Variants in ENDOV observed in about 807,000 individuals in gnomAD.
The protein encoded by ENDOV is hEndoV.
Under a neutral mutation model 39.4 loss-of-function variants are expected in ENDOV, and 37 were observed. That is an observed-to-expected ratio of 0.94 (90% CI 0.72 to 1.23). The LOEUF (loss-of-function observed/expected upper bound fraction) is 1.23, where lower values mean the gene tolerates loss of function less well. Among genes scored for constraint, ENDOV ranks in the 50% most tolerant of loss-of-function variants. ENDOV has a pLI of 0.00. For synonymous variants in ENDOV, 186 were observed against 163.4 expected (o/e 1.14, Z -1.05); for missense variants, 441 against 375.7 (o/e 1.17, Z -1.44).
Position 80,422,186 on chromosome 17 carries a change from C to T in ENDOV, c.364-20C>T, listed in dbSNP as rs372329342. The T allele has an allele frequency of 1.2e-5, 19 of 1,613,470 alleles. No individual in the cohort carries two copies. Among genetic ancestry groups the T allele is most frequent in the Non-Finnish European group, 1.4e-5 (17 of 1,179,790 alleles). The stretch of plus-strand genomic sequence containing the variant: ...CGAGGGGCAGCTCAGCTGACTGTGA[C>T]TCTCCCTGTGGCTCCATAGGTCCTT... On this transcript the variant is annotated intron_variant, in intron 3 of 9. Transcript: ENST00000518137.
In ENDOV at chr17:80,437,411, G is replaced by A. The variant is rs1379488679; in HGVS notation, c.*1268G>A. The A allele has an allele frequency of 1.3e-5, 2 of 152,774 alleles. No individual in the cohort carries two copies. The highest frequency in any genetic ancestry group is 2.4e-5 in the African/African-American group (1 of 41,468). 9.5% of individuals were successfully genotyped at this position (152,774 alleles called of 1,614,324 possible). A position where few individuals can be genotyped will look rare whatever the true frequency, so the allele number is the denominator to read the frequency against. On this transcript the variant is annotated 3_prime_UTR_variant, in exon 10 of 10. Transcript: ENST00000518137. Reference sequence around the variant, plus strand: ...GGAGCAGGGTTTCAGGAGGACAGTGGGGGTGGTGTAGAACTCATGGCTGGC... The same window carrying A: ...GGAGCAGGGTTTCAGGAGGACAGTGAGGGTGGTGTAGAACTCATGGCTGGC...
At chr17:80,430,368 T>A (rs754133673) in intron 9 of ENDOV, 1 of 1,511,698 alleles carries the variant, frequency 6.6e-7, no homozygotes, top group South Asian at 1.2e-5. Context: ...CATTTTTTAT[T>A]TCACATATTT....
intron 7 of ENDOV, 122 bp from the exon 8 acceptor site, chr17:80,428,474 C>A: frequency 1.1e-6 from 1 of 931,312 alleles, no homozygotes; most frequent in Non-Finnish European, 1.6e-6. Flanking sequence ...GAAGAACTGG[C>A]TGTGACCTGT....
chr17:80,426,355 T>C (rs1377863597), intron 7 of ENDOV, among the ~76,000 whole-genome samples: 1 of 152,094 alleles, frequency 6.6e-6, no homozygotes, highest in Non-Finnish European at 1.5e-5. Flanking sequence ...TTTGATGTGC[T>C]CAAGAAATGG....
chr17:80,415,223 C>G lies in ENDOV; in HGVS notation c.29C>G (p.Pro10Arg). 1 of 1,613,366 alleles carries G rather than the reference C, an allele frequency of 6.2e-7. No individual in the cohort carries two copies. Among genetic ancestry groups the G allele is most frequent in the Non-Finnish European group, 8.5e-7 (1 of 1,179,720 alleles). ...GCCCTGGAGGCGGCGGGAGGGCCGCCGGAGGAAACGCTGTCACTGTGGAAA... is the reference window on the plus strand; with the variant it reads ...GCCCTGGAGGCGGCGGGAGGGCCGCGGGAGGAAACGCTGTCACTGTGGAAA... The part of the protein sequence containing the change: MALEAAGGP[P>R]EETLSLWKRE... The change falls in exon 1 of 10, where the codon CCG (proline) becomes CGG (arginine). Residue 10 changes from proline to arginine, a missense_variant. By Grantham distance (103) the Pro-to-Arg change is moderately radical. Transcript: ENST00000518137.
chr17:80,425,249 G>T, intron 6 of ENDOV, 149 bp downstream of exon 6: 1 of 870,172 alleles, frequency 1.1e-6, no homozygotes, highest in South Asian at 1.7e-5. Context: ...GCCTCTGACT[G>T]AGTCCAGGGT....
Position 80,430,227 on chromosome 17 carries a change from G to A in ENDOV, c.838+396G>A, listed in dbSNP as rs1197979549. ...GGGGCAAGTGCCAGATCCTGAGAGC[G>A]CATGAGACGCTTTCCCGGAGCCGAC... On this transcript the variant is annotated intron_variant, in intron 9 of 9. Transcript: ENST00000518137. 5.4e-6 allele frequency: 8 copies of A among 1,470,218 alleles called. No homozygotes were observed. The African/African-American group carries it at 5.6e-5, about 10-fold the overall frequency. 91.1% of individuals were successfully genotyped at this position (1,470,218 alleles called of 1,614,324 possible).
intron 9 of ENDOV, 52 bp downstream of exon 9, chr17:80,429,883 G>T (rs749966970): frequency 6.2e-7 from 1 of 1,612,486 alleles, no homozygotes; most frequent in Non-Finnish European, 8.5e-7. Context: ...ACAGCCCCAA[G>T]GCCAGGCTCC....
intron 9 of ENDOV, among the ~76,000 whole-genome samples, chr17:80,434,415 C>T (rs41302926): frequency 0.022 from 3,353 of 152,162 alleles, 122 homozygotes; most frequent in African/African-American, 0.076. Flanking sequence ...CTGATGTACA[C>T]GCTTTTGTGT....
At chr17:80,431,846 A>G (rs973231648) in intron 9 of ENDOV, among the ~76,000 whole-genome samples, 2 of 152,204 alleles carry the variant, frequency 1.3e-5, no homozygotes, top group African/African-American at 4.8e-5. Context: ...AGGGAGAGGC[A>G]GCAGACAGGA....
At position 80,436,477 on chromosome 17, in the gene ENDOV, C is replaced by T; in HGVS notation, c.*334C>T. ...GTCCTAATTTGTTAAGTGTTTTTATCCTTAAAGGGTACTGGATTTTGTCAA... is the reference window on the plus strand; with the variant it reads ...GTCCTAATTTGTTAAGTGTTTTTATTCTTAAAGGGTACTGGATTTTGTCAA... On this transcript the variant is annotated 3_prime_UTR_variant, in exon 10 of 10. Transcript: ENST00000518137. The T allele has an allele frequency of 1.2e-6, 1 of 808,826 alleles. No individual in the cohort carries two copies. Among genetic ancestry groups the T allele is most frequent in the Non-Finnish European group, 1.7e-6 (1 of 586,428 alleles). The allele number at this position is 808,826 out of a possible 1,614,324, so 50.1% of individuals were successfully genotyped here.
intron 8 of ENDOV, among the ~76,000 whole-genome samples, chr17:80,428,910 T>C (rs2083064943): frequency 6.6e-6 from 1 of 152,210 alleles, no homozygotes; most frequent in African/African-American, 2.4e-5. Flanking sequence ...ACTACGGCCC[T>C]GTCTGGTCCA....
At position 80,437,389 on chromosome 17, in the gene ENDOV, G is replaced by C. The variant is rs920517006; in HGVS notation, c.*1246G>C. 6.5e-6 allele frequency: 1 copy of C among 152,734 alleles called. No individual in the cohort carries two copies. Among genetic ancestry groups the C allele is most frequent in the African/African-American group, 2.4e-5 (1 of 41,476 alleles). The allele number at this position is 152,734 out of a possible 1,614,324, so 9.5% of individuals were successfully genotyped here. A position where few individuals can be genotyped will look rare whatever the true frequency, so the allele number is the denominator to read the frequency against. On this transcript the variant is annotated 3_prime_UTR_variant, in exon 10 of 10. Coordinates refer to ENST00000518137, the MANE Select transcript of ENDOV (RefSeq NM_173627.5). ...CTCAGTAAGGCCTGTCTTTGGGGGAGCAGGGTTTCAGGAGGACAGTGGGGG... is the reference window on the plus strand; with the variant it reads ...CTCAGTAAGGCCTGTCTTTGGGGGACCAGGGTTTCAGGAGGACAGTGGGGG...
chr17:80,422,201 C>T lies in ENDOV; in HGVS notation c.364-5C>T, dbSNP rs146370835. 3.3e-4 allele frequency: 530 copies of T among 1,613,724 alleles called. 1 individual carries two copies. The African/African-American group carries it at 6.4e-3, about 20-fold the overall frequency. ...CTGACTGTGACTCTCCCTGTGGCTC[C>T]ATAGGTCCTTCTTGTGGATGGAAAC... On this transcript the variant is annotated splice_polypyrimidine_tract_variant and splice_region_variant and intron_variant, in intron 3 of 9. Coordinates refer to ENST00000518137, the MANE Select transcript of ENDOV (RefSeq NM_173627.5).
At position 80,429,844 on chromosome 17, in the gene ENDOV, C is replaced by T; in HGVS notation, c.838+13C>T. On this transcript the variant is annotated intron_variant, in intron 9 of 9. Coordinates refer to ENST00000518137, the MANE Select transcript of ENDOV (RefSeq NM_173627.5). ...GGAGAGTCCTCAGGTGAGGGCCAGCCCCCACAGGACCACAGCCCAGGCCCC... is the reference window on the plus strand; with the variant it reads ...GGAGAGTCCTCAGGTGAGGGCCAGCTCCCACAGGACCACAGCCCAGGCCCC... 1.2e-6 allele frequency: 2 copies of T among 1,612,750 alleles called. No homozygotes were observed. Among genetic ancestry groups the T allele is most frequent in the South Asian group, 1.1e-5 (1 of 91,090 alleles).
At chr17:80,424,988 A>C (rs1342718335) in intron 5 of ENDOV, 44 bp from the exon 6 acceptor site, 2 of 1,544,430 alleles carry the variant, frequency 1.3e-6, no homozygotes, top group Non-Finnish European at 1.8e-6. Context: ...CCCTTCACCA[A>C]GAAGAGAGGG....
At chr17:80,422,095 T>C in intron 3 of ENDOV, 111 bp from the exon 4 acceptor site, 1 of 1,567,958 alleles carries the variant, frequency 6.4e-7, no homozygotes, top group Non-Finnish European at 8.7e-7. Flanking sequence ...AATGAGGATT[T>C]CTAAAAAGCT....
At chr17:80,430,738 G>A (rs2083283785) in intron 9 of ENDOV, among the ~76,000 whole-genome samples, 1 of 152,192 alleles carries the variant, frequency 6.6e-6, no homozygotes, top group African/African-American at 2.4e-5. Flanking sequence ...TGTGCCCGGC[G>A]GGGGCTAGGA....
chr17:80,419,127 C>T (rs1251674462), intron 2 of ENDOV, among the ~76,000 whole-genome samples: 5 of 145,554 alleles, frequency 3.4e-5, no homozygotes, highest in East Asian at 2.0e-4. Flanking sequence ...GAGCCGAGAT[C>T]GCGTCAGTGC....
Sources: allele counts gnomAD v4.1 joint callset (sites outside exome capture counted in the v4.1 genomes callset), GRCh38; gene constraint gnomAD v4.1.1; transcripts MANE v1.5; gene names NCBI Gene and HGNC (gene_info 2026-07-23, HGNC 2026-07-21).